Variants in CHST11 observed in about 807,000 individuals in gnomAD.
The protein encoded by CHST11 is carbohydrate sulfotransferase 11.
In CHST11, 9 loss-of-function variants were observed where a neutral mutation model predicts 30.4. The observed-to-expected ratio is 0.30, with a 90% CI of 0.18 to 0.52. The LOEUF is 0.52. Ranked by LOEUF, CHST11 falls within the 20% of genes least tolerant of loss-of-function variation. The probability of loss-of-function intolerance (pLI) is 0.97; values close to 1 mark genes in which losing one functional copy is unlikely to be tolerated. For missense variants in CHST11, 348 were observed against 460.6 expected, an observed-to-expected ratio of 0.76 and a Z score of 2.24; for synonymous variants, 152 against 187.8, an observed-to-expected ratio of 0.81 and a Z score of 1.56.
intron 1 of CHST11, among the ~76,000 whole-genome samples, chr12:104,488,738 CGCGTGTGT>C (rs1209485116): frequency 4.4e-5 from 3 of 68,014 alleles, no homozygotes; most frequent in African/African-American, 1.5e-4. Context: ...TGTATGTGTA[CGCGTGTGT>C]GTGTGTGTGT....
At chr12:104,521,870 G>A (rs1365743888) in intron 1 of CHST11, among the ~76,000 whole-genome samples, 2 of 152,010 alleles carry the variant, frequency 1.3e-5, no homozygotes, top group South Asian at 2.1e-4. Flanking sequence ...CTTTATCCCC[G>A]CTCATGGCTG....
At chr12:104,615,538 C>T (rs1165580790) in intron 2 of CHST11, among the ~76,000 whole-genome samples, 1 of 152,210 alleles carries the variant, frequency 6.6e-6, no homozygotes. Flanking sequence ...ACTAGCCCCA[C>T]GTGGGCTGAA....
chr12:104,619,843 G>A (rs541460587), intron 2 of CHST11, among the ~76,000 whole-genome samples: 144 of 152,260 alleles, frequency 9.5e-4, no homozygotes, highest in Non-Finnish European at 1.8e-3. Context: ...TTTTGCAGAT[G>A]GAACATTCTG....
intron 1 of CHST11, among the ~76,000 whole-genome samples, chr12:104,483,600 T>C (rs1370169193): frequency 6.6e-6 from 1 of 152,220 alleles, no homozygotes; most frequent in African/African-American, 2.4e-5. Flanking sequence ...TTTTGGATAA[T>C]AAGAGAAGAG....
chr12:104,539,820 T>C (rs902199435), intron 1 of CHST11, among the ~76,000 whole-genome samples: 2 of 152,178 alleles, frequency 1.3e-5, no homozygotes, highest in East Asian at 1.9e-4. Flanking sequence ...GTCCCTTATA[T>C]AAAATAATGT....
intron 2 of CHST11, among the ~76,000 whole-genome samples, chr12:104,640,807 G>T (rs993810568): frequency 6.6e-6 from 1 of 152,172 alleles, no homozygotes; most frequent in Non-Finnish European, 1.5e-5. Flanking sequence ...GATAGGGACA[G>T]GAGGCAGGGA....
At chr12:104,739,263 A>G (rs1346178671) in intron 2 of CHST11, among the ~76,000 whole-genome samples, 3 of 151,564 alleles carry the variant, frequency 2.0e-5, no homozygotes, top group Admixed American at 2.0e-4. Flanking sequence ...GACATCAGCC[A>G]CTCTCCCTCC....
chr12:104,539,656 A>G (rs1435880990), intron 1 of CHST11, among the ~76,000 whole-genome samples: 1 of 152,172 alleles, frequency 6.6e-6, no homozygotes, highest in Non-Finnish European at 1.5e-5. Flanking sequence ...CAAAATTGTC[A>G]GCCACAATGG....
intron 2 of CHST11, among the ~76,000 whole-genome samples, chr12:104,656,176 G>A (rs937381200): frequency 2.6e-5 from 4 of 152,194 alleles, no homozygotes; most frequent in Admixed American, 2.0e-4. Flanking sequence ...TGTCCACCTC[G>A]AATCAAATCA....
Position 104,519,116 on chromosome 12 carries a change from A to G in CHST11, c.118+61587A>G, listed in dbSNP as rs1217772117. Among the ~76,000 whole-genome samples the G allele has an allele frequency of 4.0e-5, 5 of 123,520 alleles. No individual in the cohort carries two copies. In the East Asian group the frequency reaches 1.1e-3, roughly 26 times the overall value. 81.0% of individuals were successfully genotyped at this position (123,520 alleles called of 152,430 possible). ...TGTGTGTGTGTGTGTTTCTTTCTCC[A>G]TAATAGTCCCAACCCTAAACAGGGG... is the stretch of plus-strand genomic sequence containing the variant. On this transcript the variant is annotated intron_variant, in intron 1 of 2. Transcript: ENST00000303694.
At chr12:104,591,127 T>G (rs567905737) in intron 1 of CHST11, among the ~76,000 whole-genome samples, 1 of 151,602 alleles carries the variant, frequency 6.6e-6, no homozygotes, top group Non-Finnish European at 1.5e-5. Flanking sequence ...AGGCTCATGC[T>G]TGGTTTTTTG....
intron 1 of CHST11, chr12:104,552,843 GT>G (rs2136010505): frequency 6.6e-6 from 1 of 152,332 alleles, no homozygotes; most frequent in South Asian, 2.1e-4. Context: ...GTCCAGTGCT[GT>G]TTCTTCCTCC....
intron 2 of CHST11, among the ~76,000 whole-genome samples, chr12:104,642,155 C>G (rs2136075333): frequency 6.6e-6 from 1 of 152,116 alleles, no homozygotes; most frequent in Middle Eastern, 3.4e-3. Context: ...CAGTATTGTT[C>G]ACAGTAGTGA....
chr12:104,753,932 A>G (rs549525621), intron 2 of CHST11, among the ~76,000 whole-genome samples: 1 of 152,246 alleles, frequency 6.6e-6, no homozygotes, highest in East Asian at 1.9e-4. Flanking sequence ...GCAAGGAAAC[A>G]AAGGCCAAGA....
intron 2 of CHST11, among the ~76,000 whole-genome samples, chr12:104,635,923 A>G (rs762018569): frequency 2.6e-5 from 4 of 152,238 alleles, no homozygotes; most frequent in Non-Finnish European, 5.9e-5. Flanking sequence ...CGCCTTAATG[A>G]ACATCATTGT....
At chr12:104,511,996 A>C (rs1446853986) in intron 1 of CHST11, among the ~76,000 whole-genome samples, 1 of 152,218 alleles carries the variant, frequency 6.6e-6, no homozygotes, top group East Asian at 1.9e-4. Flanking sequence ...TTATAATATT[A>C]ATAACTAATA....
At chr12:104,653,363 G>A (rs1265327661) in intron 2 of CHST11, among the ~76,000 whole-genome samples, 1 of 152,168 alleles carries the variant, frequency 6.6e-6, no homozygotes. Context: ...CTGGATATAT[G>A]TACTGCGTTT....
chr12:104,703,371 T>C (rs1025770251), intron 2 of CHST11, among the ~76,000 whole-genome samples: 37 of 152,234 alleles, frequency 2.4e-4, no homozygotes, highest in African/African-American at 8.2e-4. Flanking sequence ...AAATGCAACC[T>C]GGTCTTTTCA....
intron 2 of CHST11, among the ~76,000 whole-genome samples, chr12:104,748,354 T>C (rs2040404633): frequency 6.6e-6 from 1 of 152,194 alleles, no homozygotes; most frequent in Non-Finnish European, 1.5e-5. Flanking sequence ...AGGGGTCGAA[T>C]TGTGTCCCTC....
Sources: allele counts gnomAD v4.1 joint callset (sites outside exome capture counted in the v4.1 genomes callset), GRCh38; gene constraint gnomAD v4.1.1; transcripts MANE v1.5; gene names NCBI Gene and HGNC (gene_info 2026-07-23, HGNC 2026-07-21).